The following ATP8A1 variants were observed in gnomAD, a reference collection of about 807,000 sequenced individuals.
ATP8A1 encodes phospholipid-transporting ATPase IA.
Under a neutral mutation model 177.7 loss-of-function variants are expected in ATP8A1, and 90 were observed. The ratio of observed to expected loss-of-function variants is 0.51; its 90% CI spans 0.43 to 0.60. The LOEUF (loss-of-function observed/expected upper bound fraction) is 0.60, where lower values mean the gene tolerates loss of function less well. Among genes scored for constraint, ATP8A1 ranks in the 20% least tolerant of loss-of-function variants. The probability of loss-of-function intolerance (pLI) is 0.00; values close to 1 mark genes in which losing one functional copy is unlikely to be tolerated. For synonymous variants in ATP8A1, 493 were observed against 485.9 expected (o/e 1.01, Z -0.19); for missense variants, 1,072 against 1,392.8 (o/e 0.77, Z 3.67).
chr4:42,455,336 T>G lies in ATP8A1; in HGVS notation c.2778A>C (p.Leu926Phe). Residue 926 changes from leucine (L) to phenylalanine (F), a missense_variant, in exon 29 of 37, where the codon TTA becomes TTC. By Grantham distance (22) the Leu-to-Phe change is conservative. This residue lies in a region of ATP8A1 where 316 missense variants were observed against 459.1 expected (regional missense o/e 0.69). Transcript: ENST00000381668. ...CCAGGGCATTCTGAGATGTTTTGTA[T>G]AATTCAGGGTACTTCAACATGTTCT... is the stretch of plus-strand genomic sequence containing the variant. The part of the protein sequence containing the change: ...RKENMLKYPE[L>F]YKTSQNALDF... 6.2e-7 allele frequency: 1 copy of G among 1,613,926 alleles called. No homozygotes were observed. The highest frequency in any genetic ancestry group is 1.7e-5 in the Admixed American group (1 of 60,010).
chr4:42,438,582 G>A (rs1043816962), intron 33 of ATP8A1, among the ~76,000 whole-genome samples: 2 of 152,046 alleles, frequency 1.3e-5, no homozygotes, highest in African/African-American at 4.8e-5. Context: ...ATAACTCTGG[G>A]CACTTTTTTA....
chr4:42,630,104 A>G (rs1052675289), intron 1 of ATP8A1, among the ~76,000 whole-genome samples: 8 of 152,200 alleles, frequency 5.3e-5, no homozygotes, highest in African/African-American at 1.9e-4. Context: ...TTTCCTCTGC[A>G]TATCACCACC....
At position 42,446,294 on chromosome 4, in the gene ATP8A1, C is replaced by T. The variant is rs113895745; in HGVS notation, c.2958+289G>A. On this transcript the variant is annotated intron_variant, in intron 31 of 36. Transcript: ENST00000381668. ...TACTTTTGCTTGTCTTTTACTACTT[C>T]GGTGGGTTGATGCCAAGAGAAAGGA... is the stretch of plus-strand genomic sequence containing the variant. 9.4e-3 allele frequency among the ~76,000 whole-genome samples: 1,433 copies of T among 152,066 alleles called. 10 individuals are homozygous for T. The highest frequency in any genetic ancestry group is 0.031 in the African/African-American group (1,287 of 41,482).
rs150549371 is a variant in ATP8A1, at chr4:42,489,341, G to A, written c.2152-3673C>T. On this transcript the variant is annotated intron_variant, in intron 24 of 36. Transcript: ENST00000381668. ...TAGGGTATGCAGTCCTGTGGTCCCC[G>A]CTCTCCCTCCTTTATAAGGCATTCT... Among the ~76,000 whole-genome samples, 307 of 152,210 alleles carry A rather than the reference G, an allele frequency of 2.0e-3. 2 individuals carry two copies. Among genetic ancestry groups the A allele is most frequent in the African/African-American group, 6.2e-3 (258 of 41,528 alleles).
chr4:42,542,289 T>A (rs906771726), intron 20 of ATP8A1, among the ~76,000 whole-genome samples: 1 of 152,174 alleles, frequency 6.6e-6, no homozygotes, highest in Non-Finnish European at 1.5e-5. Flanking sequence ...CATCATTTTT[T>A]ATTTTTTATT....
chr4:42,517,046 A>G (rs906055809), intron 22 of ATP8A1, among the ~76,000 whole-genome samples: 11 of 152,174 alleles, frequency 7.2e-5, no homozygotes, highest in African/African-American at 2.7e-4. Flanking sequence ...CAGGCCTGTA[A>G]TCCCAGCACT....
intron 25 of ATP8A1, chr4:42,471,896 A>G (rs1445222351): frequency 1.6e-6 from 1 of 636,296 alleles, no homozygotes; most frequent in Non-Finnish European, 3.0e-6. Flanking sequence ...GCTCTTCTGG[A>G]GCTGGAGATA....
rs1030088658 is a variant in ATP8A1 at position 42,506,917 on chromosome 4, T to G, written c.2086+99A>C. On this transcript the variant is annotated intron_variant, in intron 23 of 36. Transcript: ENST00000381668. ...ATTGGAATATTCCAATCTTGACATA[T>G]CAAATCTTTTAGATCTTGAAATGTC... 3.4e-5 allele frequency: 47 copies of G among 1,377,450 alleles called. No individual in the cohort carries two copies. The South Asian group carries it at 5.6e-4, about 16-fold the overall frequency. 85.3% of individuals were successfully genotyped at this position (1,377,450 alleles called of 1,614,324 possible). A position where few individuals can be genotyped will look rare whatever the true frequency, so the allele number is the denominator to read the frequency against.
At chr4:42,546,707 C>T (rs1728973740) in intron 19 of ATP8A1, among the ~76,000 whole-genome samples, 1 of 152,160 alleles carries the variant, frequency 6.6e-6, no homozygotes, top group East Asian at 1.9e-4. Flanking sequence ...CATTCCCAGT[C>T]TTTTCCTTTT....
At chr4:42,503,034 G>C (rs1427342918) in intron 24 of ATP8A1, among the ~76,000 whole-genome samples, 3 of 152,162 alleles carry the variant, frequency 2.0e-5, no homozygotes, top group Non-Finnish European at 4.4e-5. Flanking sequence ...CGTCCTACTA[G>C]GAATGGTTGT....
Position 42,581,423 on chromosome 4 carries a change from G to A in ATP8A1, c.834+198C>T, listed in dbSNP as rs188039113. On this transcript the variant is annotated intron_variant, in intron 10 of 36. Coordinates refer to ENST00000381668, the MANE Select transcript of ATP8A1 (RefSeq NM_006095.2). ...GCTGGGATTACAGGCGTGAGCCACC[G>A]CGCCCAGCCCAAGCCATTCTTATAG... Among the ~76,000 whole-genome samples the A allele has an allele frequency of 5.8e-3, 881 of 152,196 alleles. 5 individuals carry two copies. Among genetic ancestry groups the A allele is most frequent in the South Asian group, 0.022 (107 of 4,820 alleles).
intron 6 of ATP8A1, among the ~76,000 whole-genome samples, chr4:42,592,256 G>T (rs954827530): frequency 6.6e-6 from 1 of 152,042 alleles, no homozygotes; most frequent in Admixed American, 6.5e-5. Flanking sequence ...TTAAGACACA[G>T]AAACTATTTC....
chr4:42,465,232 G>A (rs1719608264), intron 25 of ATP8A1, among the ~76,000 whole-genome samples, 156 bp from the exon 26 acceptor site: 1 of 152,164 alleles, frequency 6.6e-6, no homozygotes, highest in Admixed American at 6.5e-5. Context: ...TTACTCATCT[G>A]TTAACCTGGT....
intron 1 of ATP8A1, among the ~76,000 whole-genome samples, chr4:42,628,677 T>C (rs1206214151): frequency 6.6e-6 from 1 of 152,188 alleles, no homozygotes; most frequent in African/African-American, 2.4e-5. Flanking sequence ...CCCTCTAGTT[T>C]TGTATAATTG....
intron 11 of ATP8A1, 57 bp from the exon 12 acceptor site, chr4:42,578,444 C>A (rs41265699): frequency 0.033 from 51,637 of 1,577,408 alleles, 1,064 homozygotes; most frequent in African/African-American, 0.076. Flanking sequence ...TTTGCATTGA[C>A]CCCAAATTAG....
intron 22 of ATP8A1, among the ~76,000 whole-genome samples, chr4:42,510,878 C>T (rs561253092): frequency 1.3e-5 from 2 of 152,202 alleles, no homozygotes; most frequent in Admixed American, 1.3e-4. Context: ...AAAGCAGGCA[C>T]AAATAACATA....
chr4:42,490,411 T>C (rs541335145), intron 24 of ATP8A1, among the ~76,000 whole-genome samples: 3 of 152,346 alleles, frequency 2.0e-5, no homozygotes, highest in South Asian at 2.1e-4. Context: ...TAGTCTTTTA[T>C]CCATGTCTAG....
intron 5 of ATP8A1, among the ~76,000 whole-genome samples, chr4:42,604,470 A>G (rs1367919491): frequency 1.3e-5 from 2 of 152,166 alleles, no homozygotes; most frequent in African/African-American, 2.4e-5. Flanking sequence ...TGCTGGATCC[A>G]CTAATATTCT....
intron 27 of ATP8A1, 31 bp from the exon 28 acceptor site, chr4:42,455,630 A>G (rs1348077830): frequency 6.3e-7 from 1 of 1,594,850 alleles, no homozygotes; most frequent in East Asian, 2.2e-5. Flanking sequence ...CCCCCAAATT[A>G]GAATACAAAA....
Sources: gnomAD v4.1 joint callset for allele counts (sites outside exome capture counted in the v4.1 genomes callset) on GRCh38, gnomAD v4.1.1 for gene constraint, gnomAD v4.1.1 regional missense constraint, MANE v1.5 for transcripts, NCBI Gene and HGNC (gene_info 2026-07-23, HGNC 2026-07-21) for gene names.